The following CACNB1 variants were observed in gnomAD, a reference collection of about 807,000 sequenced individuals.
CACNB1 encodes voltage-dependent L-type calcium channel subunit beta-1.
In CACNB1, 29 loss-of-function variants were observed where a neutral mutation model predicts 71.6. That is an observed-to-expected ratio of 0.40 (90% CI 0.30 to 0.55). CACNB1 has a LOEUF of 0.55. Ranked by LOEUF, CACNB1 falls within the 20% of genes least tolerant of loss-of-function variation. The pLI is 0.38. For synonymous variants in CACNB1, 300 were observed against 319.6 expected, an observed-to-expected ratio of 0.94 and a Z score of 0.65; for missense variants, 623 against 801.8, an observed-to-expected ratio of 0.78 and a Z score of 2.69.
rs1304536897 is a variant in CACNB1 at position 39,184,114 on chromosome 17, T to A, written c.815A>T (p.Asp272Val). The A allele has an allele frequency of 6.2e-7, 1 of 1,613,098 alleles. No homozygotes were observed. Among genetic ancestry groups the A allele is most frequent in the Non-Finnish European group, 8.5e-7 (1 of 1,179,274 alleles). ...GRISITRVTA[D>V]ISLAKRSVLN... ...AACTGAGCGCTTAGCCAGGGAAATA[T>A]CTGCCGTCACACGAGTGATGGAGAT... The change falls in exon 10 of 14, where the codon GAT (aspartate) becomes GTT (valine). Residue 272 changes from aspartate (D) to valine (V), a missense_variant. By Grantham distance (152) the Asp-to-Val change is radical. Transcript: ENST00000394303.
In CACNB1 at chr17:39,177,998, C is replaced by T; in HGVS notation, c.1132G>A (p.Ala378Thr). The T allele has an allele frequency of 1.9e-6, 3 of 1,613,600 alleles. No homozygotes were observed. Among genetic ancestry groups the T allele is most frequent in the Non-Finnish European group, 2.5e-6 (3 of 1,179,534 alleles). ...TAGGCACTCACAGGGGGGCACTGTG[C>T]CAGCTTTTCCGAGGCCGCTATTTGG... ...NVQIAASEKL[A>T]QCPPEMFDII... Residue 378 changes from alanine to threonine, a missense_variant, in exon 12 of 14, where the codon GCA becomes ACA. Transcript: ENST00000394303.
intron 3 of CACNB1, among the ~76,000 whole-genome samples, chr17:39,191,088 C>G (rs111614224): frequency 7.2e-5 from 11 of 151,912 alleles, no homozygotes; most frequent in Admixed American, 2.0e-4. Flanking sequence ...CCTATAGTCC[C>G]GGCTACTTGG....
At chr17:39,183,977 C>T (rs2045860059) in intron 10 of CACNB1, 54 bp downstream of exon 10, 6 of 1,539,670 alleles carry the variant, frequency 3.9e-6, no homozygotes, top group Non-Finnish European at 5.4e-6. Context: ...CACCTCCCAC[C>T]CCTCCCACAT....
intron 3 of CACNB1, 129 bp from the exon 4 acceptor site, chr17:39,187,730 T>C (rs16968669): frequency 0.025 from 27,588 of 1,102,662 alleles, 566 homozygotes; most frequent in East Asian, 0.11. Context: ...TGTATGGACA[T>C]GGGCAGGGTG....
chr17:39,197,576 G>C lies in CACNB1; in HGVS notation c.-81C>G. 9.4e-7 allele frequency: 1 copy of C among 1,061,126 alleles called. No individual in the cohort carries two copies. Among genetic ancestry groups the C allele is most frequent in the South Asian group, 1.6e-5 (1 of 62,114 alleles). 65.7% of individuals were successfully genotyped at this position (1,061,126 alleles called of 1,614,324 possible). ...ATGGGAGAGGCCGTGGGAGCCGAAAGCAGCGCGGCGCAGCCAGCACCCGGT... is the reference window on the plus strand; with the variant it reads ...ATGGGAGAGGCCGTGGGAGCCGAAACCAGCGCGGCGCAGCCAGCACCCGGT... On this transcript the variant is annotated 5_prime_UTR_variant, in exon 1 of 14. Coordinates refer to ENST00000394303, the MANE Select transcript of CACNB1 (RefSeq NM_000723.5).
At position 39,186,144 on chromosome 17, in the gene CACNB1, G is replaced by C; in HGVS notation, c.628+352C>G. On this transcript the variant is annotated intron_variant, in intron 6 of 13. Transcript: ENST00000394303. This position sits in a 1 kb window ranked among gnomAD's most constrained non-coding sequence, Gnocchi z 4.1. ...CAGGAGAGAGGGAGGAGGGAGGCGA[G>C]GTGGGGAGAAGGAGTGAGATGAACG... is the stretch of plus-strand genomic sequence containing the variant. The C allele has an allele frequency of 6.3e-7, 1 of 1,583,314 alleles. No individual in the cohort carries two copies.
intron 2 of CACNB1, 144 bp from the exon 3 acceptor site, chr17:39,191,737 A>G: frequency 1.3e-6 from 1 of 750,370 alleles, no homozygotes; most frequent in South Asian, 1.8e-5. Flanking sequence ...ACAAGGTGGT[A>G]TTAGGTGGAA....
At chr17:39,191,775 C>T in intron 2 of CACNB1, 182 bp from the exon 3 acceptor site, 1 of 586,248 alleles carries the variant, frequency 1.7e-6, no homozygotes, top group East Asian at 3.3e-5. Context: ...TTTCTCAGGC[C>T]CCTGGGGAAA....
chr17:39,182,579 G>A (rs1321956213), intron 11 of CACNB1, among the ~76,000 whole-genome samples: 1 of 150,376 alleles, frequency 6.6e-6, no homozygotes, highest in Non-Finnish European at 1.5e-5. Context: ...GTACACTCCT[G>A]TAGTCCCAGC....
Position 39,191,556 on chromosome 17 carries a change from G to A in CACNB1, c.209C>T (p.Ser70Phe), listed in dbSNP as rs2046081390. The change falls in exon 3 of 14, where the codon TCT (serine) becomes TTT (phenylalanine). Residue 70 changes from serine (S) to phenylalanine (F), a missense_variant. Coordinates refer to ENST00000394303, the MANE Select transcript of CACNB1 (RefSeq NM_000723.5). ...AESYTSRPSD[S>F]DVSLEEDREA... Reference sequence around the variant, plus strand: ...CCGGTCCTCCTCCAGAGATACATCAGAGTCTGATGGACGGCTGGTGTAGGA... The same window carrying A: ...CCGGTCCTCCTCCAGAGATACATCAAAGTCTGATGGACGGCTGGTGTAGGA... The A allele has an allele frequency of 6.2e-7, 1 of 1,610,950 alleles. No homozygotes were observed.
chr17:39,173,554 G>A lies in CACNB1; in HGVS notation c.*1639C>T, dbSNP rs1229178711. The A allele has an allele frequency of 1.3e-5, 2 of 151,642 alleles. No homozygotes were observed. The highest frequency in any genetic ancestry group is 2.4e-5 in the African/African-American group (1 of 41,244). 9.4% of individuals were successfully genotyped at this position (151,642 alleles called of 1,614,324 possible). A position where few individuals can be genotyped will look rare whatever the true frequency, so the allele number is the denominator to read the frequency against. ...CCCATTGCCTTTGGCTCTACTTGTG[G>A]AGAGACAGGTAAGTGAAGGGGCTCA... On this transcript the variant is annotated 3_prime_UTR_variant, in exon 14 of 14. Transcript: ENST00000394303.
intron 11 of CACNB1, chr17:39,178,398 TA>T (rs1234109522): frequency 7.0e-4 from 145 of 207,466 alleles, no homozygotes; most frequent in Admixed American, 1.0e-3. Context: ...TTTTTTTTTT[TA>T]AATTTTAGAG....
chr17:39,187,075 CT>C, intron 4 of CACNB1, 146 bp from the exon 5 acceptor site: 1 of 774,928 alleles, frequency 1.3e-6, no homozygotes, highest in Non-Finnish European at 2.1e-6. Context: ...GCTCCAGCCT[CT>C]GAGTGGAGCT....
chr17:39,193,517 G>T (rs780620909), intron 2 of CACNB1: 1 of 442,938 alleles, frequency 2.3e-6, no homozygotes, highest in South Asian at 1.6e-5. Context: ...GGCCTAGGGG[G>T]TGGCCCAAAC....
chr17:39,177,274 C>A, intron 13 of CACNB1, 76 bp downstream of exon 13: 1 of 1,605,908 alleles, frequency 6.2e-7, no homozygotes, highest in South Asian at 1.1e-5. Flanking sequence ...TCCTGGGGCA[C>A]CACACTGCCC....
chr17:39,184,336 C>G lies in CACNB1; in HGVS notation c.777G>C (p.Arg259=), dbSNP rs2045874192. ...TCCCAGGATCTTACCTGCCATCAAA[C>G]CGATGCTTCAAGAAGTCAAATAAAG... is the stretch of plus-strand genomic sequence containing the variant. ...QKALFDFLKH[R]FDGRISITRV... The change falls in exon 9 of 14, where the codon CGG becomes CGC. Residue 259 remains arginine, a synonymous_variant. Transcript: ENST00000394303. The G allele has an allele frequency of 1.3e-6, 2 of 1,551,164 alleles. No individual in the cohort carries two copies. The highest frequency in any genetic ancestry group is 8.7e-7 in the Non-Finnish European group (1 of 1,146,232).
chr17:39,182,524 C>A (rs1323245957), intron 11 of CACNB1, among the ~76,000 whole-genome samples: 1 of 151,646 alleles, frequency 6.6e-6, no homozygotes, highest in Non-Finnish European at 1.5e-5. Flanking sequence ...CATGGTGAAA[C>A]CCTGTCTCTA....
In CACNB1 at chr17:39,183,814, G is replaced by T. The variant is rs370280712; in HGVS notation, c.949C>A (p.Gln317Lys). 1.3e-5 allele frequency: 21 copies of T among 1,613,966 alleles called. No homozygotes were observed. Among genetic ancestry groups the T allele is most frequent in the Non-Finnish European group, 1.8e-5 (21 of 1,179,988 alleles). The change falls in exon 11 of 14, where the codon CAG becomes AAG. Residue 317 changes from glutamine (Q) to lysine (K), a missense_variant. By Grantham distance (53) the Gln-to-Lys change is moderately conservative. Transcript: ENST00000394303. ...GTGTCAGCATCCAGAGCGACCAACT[G>T]AAGGGTCCGGGCCAGCTCGAAGATT... Reference protein sequence around the residue: ...ERIFELARTLQLVALDADTIN... With the variant: ...ERIFELARTLKLVALDADTIN...
At chr17:39,177,156 T>C in intron 13 of CACNB1, 194 bp downstream of exon 13, 1 of 1,429,534 alleles carries the variant, frequency 7.0e-7, no homozygotes, top group Non-Finnish European at 9.1e-7. Context: ...CTTATTTTTT[T>C]ACAAAATAAA....
Sources: gnomAD v4.1 joint callset for allele counts (sites outside exome capture counted in the v4.1 genomes callset) on GRCh38, gnomAD v4.1.1 for gene constraint, Gnocchi (gnomAD v3.1) non-coding constraint, MANE v1.5 for transcripts, NCBI Gene and HGNC (gene_info 2026-07-23, HGNC 2026-07-21) for gene names.